Variants in CUX1 observed in about 807,000 individuals in gnomAD.
The protein encoded by CUX1 is cut like homeobox 1.
In CUX1, 31 loss-of-function variants were observed where a neutral mutation model predicts 158.8. The observed-to-expected ratio is 0.20, with a 90% CI of 0.15 to 0.26. The LOEUF is 0.26. Among genes scored for constraint, CUX1 ranks in the 10% least tolerant of loss-of-function variants. The probability of loss-of-function intolerance (pLI) is 1.00; values close to 1 mark genes in which losing one functional copy is unlikely to be tolerated. For missense variants in CUX1, 1,589 were observed against 2,014.6 expected, an observed-to-expected ratio of 0.79 and a Z score of 4.04; for synonymous variants, 879 against 862.1, an observed-to-expected ratio of 1.02 and a Z score of -0.34.
chr7:101,911,040 C>A (rs1452934320), intron 1 of CUX1, among the ~76,000 whole-genome samples: 1 of 152,248 alleles, frequency 6.6e-6, no homozygotes, highest in Admixed American at 6.5e-5. Context: ...TCCACAGCAC[C>A]CCAGCTGTAC....
At chr7:101,836,854 G>GT (rs1562907581) in intron 1 of CUX1, among the ~76,000 whole-genome samples, 1 of 152,168 alleles carries the variant, frequency 6.6e-6, no homozygotes, top group African/African-American at 2.4e-5. Context: ...CATGGGTGCG[G>GT]TGGGGGGCAG....
chr7:102,211,781 A>T (rs1039309238), intron 20 of CUX1, among the ~76,000 whole-genome samples: 3 of 115,630 alleles, frequency 2.6e-5, no homozygotes, highest in African/African-American at 1.1e-4. Flanking sequence ...CTCCATCTAA[A>T]AAAAAAAAAA....
At chr7:102,191,897 C>T (rs1264239605) in intron 12 of CUX1, among the ~76,000 whole-genome samples, 1 of 152,080 alleles carries the variant, frequency 6.6e-6, no homozygotes, top group East Asian at 1.9e-4. Flanking sequence ...TCTACTCCCT[C>T]TCATCCACAG....
At chr7:102,272,107 G>A (rs1554546417) in intron 14 of CUX1, among the ~76,000 whole-genome samples, 1 of 152,248 alleles carries the variant, frequency 6.6e-6, no homozygotes, top group African/African-American at 2.4e-5. Context: ...AGCTGGGGGT[G>A]GATGCCTTGG....
intron 9 of CUX1, among the ~76,000 whole-genome samples, chr7:102,160,192 G>A (rs1790281918): frequency 1.4e-5 from 2 of 145,984 alleles, no homozygotes; most frequent in African/African-American, 2.5e-5. Flanking sequence ...AAAAAAAAAA[G>A]CAGTTACTGG....
chr7:102,237,578 G>A (rs977484433), intron 22 of CUX1, among the ~76,000 whole-genome samples: 8 of 152,180 alleles, frequency 5.3e-5, no homozygotes, highest in East Asian at 3.9e-4. Context: ...CACCACGCCC[G>A]GCGATGTCCT....
intron 8 of CUX1, among the ~76,000 whole-genome samples, chr7:102,149,304 G>T (rs192925443): frequency 2.0e-4 from 30 of 152,252 alleles, no homozygotes; most frequent in African/African-American, 6.7e-4. Flanking sequence ...GTCTGCAGAG[G>T]CCCTTGTACC....
chr7:102,154,597 T>C (rs940490394), intron 8 of CUX1: 12 of 147,214 alleles, frequency 8.2e-5, no homozygotes, highest in Non-Finnish European at 1.6e-4. Context: ...CTCCAGCTTG[T>C]CTCCAAATAA....
At chr7:102,158,734 C>T (rs1031351872) in intron 9 of CUX1, 126 bp downstream of exon 9, 26 of 810,488 alleles carry the variant, frequency 3.2e-5, no homozygotes, top group African/African-American at 2.4e-4. Flanking sequence ...CAGCTTTCAA[C>T]GTCGATGCTC....
chr7:101,972,273 A>G (rs1024814565), intron 2 of CUX1, among the ~76,000 whole-genome samples: 6 of 152,190 alleles, frequency 3.9e-5, no homozygotes, highest in African/African-American at 1.4e-4. Context: ...GGCCAGATCA[A>G]CTGATGTTTT....
intron 11 of CUX1, among the ~76,000 whole-genome samples, chr7:102,185,596 G>T (rs10255251): frequency 0.47 from 70,244 of 148,474 alleles, 17,256 homozygotes; most frequent in African/African-American, 0.59. Context: ...ATGTTTTGGG[G>T]TTTTTTTTTT....
At position 102,231,310 on chromosome 7, in the gene CUX1, G is replaced by A. The variant is rs570532245; in HGVS notation, c.3434-2742G>A. On this transcript the variant is annotated intron_variant, in intron 21 of 23. Coordinates refer to ENST00000292535, the MANE Select transcript of CUX1 (RefSeq NM_181552.4). Reference sequence around the variant, plus strand: ...CTCCCAAAGTGCTGGGATTACAGGCGTGAGCCACTGCGCCCAGCCTTTTTT... The same window carrying A: ...CTCCCAAAGTGCTGGGATTACAGGCATGAGCCACTGCGCCCAGCCTTTTTT... 2.1e-4 allele frequency among the ~76,000 whole-genome samples: 31 copies of A among 149,152 alleles called. 2 individuals carry two copies. The South Asian group carries it at 3.9e-3, about 19-fold the overall frequency.
chr7:102,205,547 A>T (rs1193811631), intron 20 of CUX1, among the ~76,000 whole-genome samples: 3 of 152,162 alleles, frequency 2.0e-5, no homozygotes, highest in Non-Finnish European at 4.4e-5. Flanking sequence ...GGGACTTCTT[A>T]TCTAACCGGA....
At chr7:102,243,381 A>G (rs55752209) in intron 23 of CUX1, among the ~76,000 whole-genome samples, 30,598 of 152,072 alleles carry the variant, frequency 0.2, 3,744 homozygotes, top group Non-Finnish European at 0.28. Context: ...CAAATATGGG[A>G]TCCAAGAGAT....
At chr7:102,140,012 T>C (rs1188868280) in intron 8 of CUX1, among the ~76,000 whole-genome samples, 2 of 152,184 alleles carry the variant, frequency 1.3e-5, no homozygotes, top group Non-Finnish European at 2.9e-5. Flanking sequence ...GTTTTTTGTT[T>C]AGCTTTTTAC....
intron 1 of CUX1, among the ~76,000 whole-genome samples, chr7:101,887,225 C>A (rs1800320643): frequency 6.6e-6 from 1 of 152,164 alleles, no homozygotes; most frequent in Admixed American, 6.5e-5. Context: ...CTGCATCTTC[C>A]TTTCTTTCCG....
downstream of CUX1, among the ~76,000 whole-genome samples, chr7:102,262,798 G>C (rs544206683): frequency 6.6e-6 from 1 of 152,156 alleles, no homozygotes; most frequent in Non-Finnish European, 1.5e-5. Context: ...TGCTTGCCGC[G>C]GGGTAGTATC....
At chr7:101,932,031 A>G (rs1806349567) in intron 2 of CUX1, among the ~76,000 whole-genome samples, 1 of 152,178 alleles carries the variant, frequency 6.6e-6, no homozygotes, top group Non-Finnish European at 1.5e-5. Context: ...ACCTACATGG[A>G]CTTCACTTAC....
intron 14 of CUX1, chr7:102,264,789 G>A (rs1316481440): frequency 6.6e-6 from 1 of 152,602 alleles, no homozygotes; most frequent in Non-Finnish European, 1.5e-5. Context: ...ACTTGGTCAA[G>A]GCCCGCTGCT....
Sources: allele counts gnomAD v4.1 joint callset (sites outside exome capture counted in the v4.1 genomes callset), GRCh38; gene constraint gnomAD v4.1.1; transcripts MANE v1.5; gene names NCBI Gene and HGNC (gene_info 2026-07-23, HGNC 2026-07-21).